The following KDM3B variants were observed in gnomAD, a reference collection of about 807,000 sequenced individuals.
KDM3B encodes lysine-specific demethylase 3B.
Under a neutral mutation model 170.0 loss-of-function variants are expected in KDM3B, and 10 were observed. The observed-to-expected ratio is 0.06, with a 90% CI of 0.04 to 0.10. KDM3B has a LOEUF of 0.10. Ranked by LOEUF, KDM3B falls within the 10% of genes least tolerant of loss-of-function variation. The pLI, the probability that KDM3B is intolerant of heterozygous loss-of-function variation, is 1.00. For synonymous variants in KDM3B, 831 were observed against 834.8 expected, an observed-to-expected ratio of 1.00 and a Z score of 0.08; for missense variants, 1,394 against 2,195.2, an observed-to-expected ratio of 0.64 and a Z score of 7.29.
At chr5:138,365,597 T>G (rs1208323842) in intron 1 of KDM3B, among the ~76,000 whole-genome samples, 1 of 152,080 alleles carries the variant, frequency 6.6e-6, no homozygotes, top group Non-Finnish European at 1.5e-5. Context: ...TTAACTGGGT[T>G]ATTACTGCTT....
Position 138,393,160 on chromosome 5 carries a change from C to A in KDM3B, c.2630-11C>A. The A allele has an allele frequency of 6.2e-7, 1 of 1,613,370 alleles. No individual in the cohort carries two copies. The highest frequency in any genetic ancestry group is 8.5e-7 in the Non-Finnish European group (1 of 1,179,874). ...TCATGACAAACTTTTCTTCTCTCCC[C>A]CTTGCCACAGTTGGCCAGTCAGTGC... is the stretch of plus-strand genomic sequence containing the variant. On this transcript the variant is annotated splice_polypyrimidine_tract_variant and intron_variant, in intron 8 of 23. Coordinates refer to ENST00000314358, the MANE Select transcript of KDM3B (RefSeq NM_016604.4).
chr5:138,411,804 A>T (rs1228709362), intron 11 of KDM3B, among the ~76,000 whole-genome samples: 12 of 150,250 alleles, frequency 8.0e-5, no homozygotes, highest in African/African-American at 2.2e-4. Context: ...GGATCAAGCG[A>T]TCCTCCTGCT....
chr5:138,381,840 CT>C, intron 6 of KDM3B: 1 of 420,636 alleles, frequency 2.4e-6, no homozygotes, highest in East Asian at 3.5e-5. Context: ...AGGCTGGTTT[CT>C]TCCTATATTC....
chr5:138,433,004 A>G (rs1763575051), intron 23 of KDM3B, among the ~76,000 whole-genome samples: 1 of 151,998 alleles, frequency 6.6e-6, no homozygotes, highest in African/African-American at 2.4e-5. Flanking sequence ...TCGACCTCCC[A>G]AAGTGCTGGG....
intron 16 of KDM3B, among the ~76,000 whole-genome samples, chr5:138,424,602 T>A (rs1031759290): frequency 2.6e-5 from 4 of 151,814 alleles, no homozygotes; most frequent in African/African-American, 9.7e-5. Flanking sequence ...CATGGTGAAA[T>A]CCTGTCTCTA....
intron 7 of KDM3B, among the ~76,000 whole-genome samples, chr5:138,388,071 A>G (rs557753778): frequency 3.0e-4 from 45 of 152,214 alleles, no homozygotes; most frequent in African/African-American, 1.0e-3. Flanking sequence ...ACAGAGCAAG[A>G]CTATGTCTCA....
At chr5:138,426,063 T>C (rs1157340745) in intron 17 of KDM3B, among the ~76,000 whole-genome samples, 3 of 152,198 alleles carry the variant, frequency 2.0e-5, no homozygotes, top group African/African-American at 7.2e-5. Flanking sequence ...CATTCTGCCC[T>C]GGTGCCAACT....
intron 22 of KDM3B, 89 bp downstream of exon 22, chr5:138,430,514 G>T: frequency 8.3e-7 from 1 of 1,203,888 alleles, no homozygotes; most frequent in Non-Finnish European, 1.2e-6. Flanking sequence ...GATTTAAGTA[G>T]CTGGATTGGA....
Position 138,386,239 on chromosome 5 carries a change from C to T in KDM3B, c.998C>T (p.Pro333Leu), listed in dbSNP as rs963526658. 1.9e-6 allele frequency: 3 copies of T among 1,614,042 alleles called. No homozygotes were observed. Among genetic ancestry groups the T allele is most frequent in the Admixed American group, 1.7e-5 (1 of 59,990 alleles). ...AAAGGAGGGAATGCCAGTGGAGAGC[C>T]AGGGCTGGATCAGAGAGCCAAGCAG... The part of the protein sequence containing the change: ...PWKGGNASGE[P>L]GLDQRAKQPP... The change falls in exon 7 of 24, where the codon CCA becomes CTA. Residue 333 changes from proline (P) to leucine (L), a missense_variant. Around this residue, in one of 19 missense-constraint regions of KDM3B, gnomAD observed 205 missense variants for 227.6 expected, o/e 0.90. Coordinates refer to ENST00000314358, the MANE Select transcript of KDM3B (RefSeq NM_016604.4).
intron 16 of KDM3B, among the ~76,000 whole-genome samples, chr5:138,424,746 T>G (rs753035975): frequency 6.6e-6 from 1 of 152,024 alleles, no homozygotes; most frequent in Non-Finnish European, 1.5e-5. Context: ...ACCACTACAT[T>G]CCAGCCTGGG....
Position 138,384,195 on chromosome 5 carries a change from G to A in KDM3B, c.781-1827G>A, listed in dbSNP as rs187149383. 3.7e-3 allele frequency among the ~76,000 whole-genome samples: 554 copies of A among 150,652 alleles called. 2 individuals carry two copies. Among genetic ancestry groups the A allele is most frequent in the African/African-American group, 0.013 (530 of 40,892 alleles). ...TGGGAGGTGGAGCTTGCAGTGAGCC[G>A]AGATCGTGCCACTGCACTCCAGCCT... On this transcript the variant is annotated intron_variant, in intron 6 of 23. Coordinates refer to ENST00000314358, the MANE Select transcript of KDM3B (RefSeq NM_016604.4).
In KDM3B at chr5:138,372,788, G is replaced by A. The variant is rs769066498; in HGVS notation, c.307G>A (p.Asp103Asn). 9.3e-6 allele frequency: 15 copies of A among 1,614,114 alleles called. No individual in the cohort carries two copies. The highest frequency in any genetic ancestry group is 2.2e-5 in the East Asian group (1 of 44,870). ...GTCTCTTGTATGGGCGCCCCGTGAG[G>A]ACCCAGTCCTTCTCCAGGGCATTCG... ...EGSLVWAPRE[D>N]PVLLQGIRVS... Residue 103 changes from aspartate (D) to asparagine (N), a missense_variant, in exon 2 of 24, where the codon GAC becomes AAC. Asp to Asn is a conservative substitution (Grantham distance 23). This residue lies in a region of KDM3B where 166 missense variants were observed against 216.4 expected (regional missense o/e 0.77). Transcript: ENST00000314358.
At chr5:138,360,522 T>TG (rs59520958) in intron 1 of KDM3B, among the ~76,000 whole-genome samples, 2 of 137,898 alleles carry the variant, frequency 1.5e-5, no homozygotes, top group Non-Finnish European at 3.0e-5. Flanking sequence ...TAAAAAAAGA[T>TG]TGTGTGTGTG....
At chr5:138,382,331 A>G (rs1013470918) in intron 6 of KDM3B, among the ~76,000 whole-genome samples, 1 of 152,122 alleles carries the variant, frequency 6.6e-6, no homozygotes, top group Non-Finnish European at 1.5e-5. Flanking sequence ...GGGTGCCTGT[A>G]ATCCCAGCTA....
intron 11 of KDM3B, among the ~76,000 whole-genome samples, chr5:138,407,598 C>T (rs1762855466): frequency 6.6e-6 from 1 of 152,172 alleles, no homozygotes; most frequent in Non-Finnish European, 1.5e-5. Flanking sequence ...CTGGGGACCT[C>T]GTCCCAGATA....
At chr5:138,430,878 G>A (rs556543442) in intron 22 of KDM3B, among the ~76,000 whole-genome samples, 7 of 151,398 alleles carry the variant, frequency 4.6e-5, no homozygotes, top group East Asian at 3.9e-4. Flanking sequence ...CAACAAGAGC[G>A]AAACTCAGTC....
chr5:138,390,705 C>T (rs543074060), intron 7 of KDM3B, among the ~76,000 whole-genome samples: 1 of 152,254 alleles, frequency 6.6e-6, no homozygotes, highest in South Asian at 2.1e-4. Flanking sequence ...CAAATAGATA[C>T]CAAAAAGCCT....
intron 7 of KDM3B, among the ~76,000 whole-genome samples, chr5:138,388,515 T>C (rs149272984): frequency 0.013 from 1,980 of 151,048 alleles, 42 homozygotes; most frequent in African/African-American, 0.044. Context: ...GCCTGTAGTC[T>C]CAGCTACTCG....
At chr5:138,415,496 G>A (rs1763080589) in intron 12 of KDM3B, among the ~76,000 whole-genome samples, 1 of 152,030 alleles carries the variant, frequency 6.6e-6, no homozygotes, top group African/African-American at 2.4e-5. Flanking sequence ...GGAGTGCAGT[G>A]GTGTGGTCAT....
Sources: allele counts gnomAD v4.1 joint callset (sites outside exome capture counted in the v4.1 genomes callset), GRCh38; gene constraint gnomAD v4.1.1; regional missense constraint gnomAD v4.1.1; transcripts MANE v1.5; gene names NCBI Gene and HGNC (gene_info 2026-07-23, HGNC 2026-07-21).